The following SRP68 variants were observed in gnomAD, a reference collection of about 807,000 sequenced individuals.
The protein encoded by SRP68 is signal recognition particle 68.
A neutral mutation model predicts 82.2 loss-of-function variants in SRP68; 15 were observed. The ratio of observed to expected loss-of-function variants is 0.18; its 90% CI spans 0.12 to 0.28. The LOEUF (loss-of-function observed/expected upper bound fraction) is 0.28. Among genes scored for constraint, SRP68 ranks in the 10% least tolerant of loss-of-function variants. SRP68 has a pLI of 1.00. For synonymous variants in SRP68, 261 were observed against 292.6 expected (o/e 0.89, Z 1.10); for missense variants, 595 against 780.5 (o/e 0.76, Z 2.83).
chr17:76,055,804 C>T (rs915731593), intron 8 of SRP68, among the ~76,000 whole-genome samples: 16 of 123,270 alleles, frequency 1.3e-4, no homozygotes, highest in Middle Eastern at 4.2e-3. Flanking sequence ...ACTTTTTTTT[C>T]TTCTTTTTTT....
At chr17:76,068,378 C>T (rs893276825) in intron 2 of SRP68, among the ~76,000 whole-genome samples, 7 of 150,798 alleles carry the variant, frequency 4.6e-5, no homozygotes, top group African/African-American at 1.2e-4. Flanking sequence ...ACTGCTTAAA[C>T]CCGGGAGGTG....
At chr17:76,059,871 A>G (rs2066738858) in intron 7 of SRP68, among the ~76,000 whole-genome samples, 2 of 151,654 alleles carry the variant, frequency 1.3e-5, no homozygotes, top group Non-Finnish European at 2.9e-5. Flanking sequence ...CATGCCTGTA[A>G]TCCCAGCACT....
At chr17:76,057,367 A>G in intron 8 of SRP68, 36 bp downstream of exon 8, 3 of 1,613,354 alleles carry the variant, frequency 1.9e-6, no homozygotes, top group South Asian at 1.1e-5. Context: ...CTTCAGACAC[A>G]TACAGAAGAC....
At chr17:76,040,766 C>G in intron 14 of SRP68, 137 bp downstream of exon 14, 2 of 836,178 alleles carry the variant, frequency 2.4e-6, no homozygotes, top group South Asian at 3.2e-5. Flanking sequence ...CCAGCTGGCA[C>G]AAGTAAAGGC....
intron 2 of SRP68, among the ~76,000 whole-genome samples, chr17:76,068,349 C>T (rs934911253): frequency 2.0e-5 from 3 of 149,790 alleles, no homozygotes; most frequent in Non-Finnish European, 4.4e-5. Context: ...TCTAGCTACT[C>T]GGGAGGCTGA....
In SRP68 at chr17:76,050,473, A is replaced by G; in HGVS notation, c.1032T>C (p.Cys344=). 1 of 1,613,906 alleles carries G rather than the reference A, an allele frequency of 6.2e-7. No homozygotes were observed. The highest frequency in any genetic ancestry group is 8.5e-7 in the Non-Finnish European group (1 of 1,179,940). The change falls in exon 9 of 16, where the codon TGT becomes TGC. Residue 344 remains cysteine, a synonymous_variant. Coordinates refer to ENST00000307877, the MANE Select transcript of SRP68 (RefSeq NM_014230.4). The part of the protein sequence containing the change: ...ERLFESMLSE[C]RDAIQVVREE... The stretch of plus-strand genomic sequence containing the variant: ...CCCGAACCACCTGGATGGCGTCCCG[A>G]CACTCGCTGAGCATTGATTCAAACA...
intron 12 of SRP68, among the ~76,000 whole-genome samples, chr17:76,044,274 C>A (rs565924686): frequency 5.1e-4 from 77 of 152,316 alleles, no homozygotes; most frequent in African/African-American, 1.9e-3. Flanking sequence ...AAGAACGCTG[C>A]CCGGCTCAAA....
intron 4 of SRP68, among the ~76,000 whole-genome samples, chr17:76,062,219 A>G (rs1167393712): frequency 6.6e-6 from 1 of 150,950 alleles, no homozygotes; most frequent in Non-Finnish European, 1.5e-5. Flanking sequence ...ACTGGGAGGC[A>G]GAGGTTGCAA....
chr17:76,045,221 G>T, intron 12 of SRP68, 71 bp downstream of exon 12: 1 of 1,199,952 alleles, frequency 8.3e-7, no homozygotes, highest in Non-Finnish European at 1.2e-6. Flanking sequence ...TCTGCTGTGG[G>T]CTGGGTCATG....
intron 1 of SRP68, among the ~76,000 whole-genome samples, chr17:76,070,879 C>CACACACACAAAA: frequency 6.6e-6 from 1 of 150,402 alleles, no homozygotes; most frequent in Admixed American, 6.6e-5. Flanking sequence ...CACACACACA[C>CACACACACAAAA]AAATTTGTGA....
At chr17:76,060,125 CAAA>C (rs1168111688) in intron 7 of SRP68, among the ~76,000 whole-genome samples, 180 bp downstream of exon 7, 3 of 28,790 alleles carry the variant, frequency 1.0e-4, no homozygotes, top group African/African-American at 2.3e-4. Context: ...GACTCCATCT[CAAA>C]AAAAAAAAAA....
Position 76,039,775 on chromosome 17 carries a change from G to A in SRP68, c.1815C>T (p.Asp605=). 2 of 1,614,158 alleles carry A rather than the reference G, an allele frequency of 1.2e-6. No individual in the cohort carries two copies. Among genetic ancestry groups the A allele is most frequent in the Non-Finnish European group, 1.7e-6 (2 of 1,180,036 alleles). ...LNHVAFPPLE[D]KLEQKTKSGL... ...CACTCTTGGTCTTCTGTTCCAACTTGTCCTCAAGGGGTGGGAAAGCCACAT... is the reference window on the plus strand; with the variant it reads ...CACTCTTGGTCTTCTGTTCCAACTTATCCTCAAGGGGTGGGAAAGCCACAT... Residue 605 remains aspartate, a synonymous_variant, in exon 16 of 16, where the codon GAC becomes GAT. Coordinates refer to ENST00000307877, the MANE Select transcript of SRP68 (RefSeq NM_014230.4).
chr17:76,040,763 G>C, intron 14 of SRP68, 140 bp downstream of exon 14: 2 of 806,118 alleles, frequency 2.5e-6, no homozygotes, highest in South Asian at 3.3e-5. Context: ...TGCCCAGCTG[G>C]CACAAGTAAA....
Position 76,063,052 on chromosome 17 carries a change from G to T in SRP68, c.561+924C>A, listed in dbSNP as rs745621611. 1.6e-4 allele frequency among the ~76,000 whole-genome samples: 24 copies of T among 151,562 alleles called. 1 individual carries two copies. Among genetic ancestry groups the T allele is most frequent in the Non-Finnish European group, 5.9e-5 (4 of 67,942 alleles). On this transcript the variant is annotated intron_variant, in intron 4 of 15. Coordinates refer to ENST00000307877, the MANE Select transcript of SRP68 (RefSeq NM_014230.4). Reference sequence around the variant, plus strand: ...CCCAAAGTGCTGGGATTACAGGCGTGAGCCACCACGCCCGGCCTAAGAATA... The same window carrying T: ...CCCAAAGTGCTGGGATTACAGGCGTTAGCCACCACGCCCGGCCTAAGAATA...
Position 76,060,352 on chromosome 17 carries a change from AT to A in SRP68, c.792del (p.Arg264SerfsTer2). 6.2e-7 allele frequency: 1 copy of A among 1,611,992 alleles called. No individual in the cohort carries two copies. The highest frequency in any genetic ancestry group is 8.5e-7 in the Non-Finnish European group (1 of 1,179,622). ...AGACCCTCAGTGCCCCCAGACCTCA[AT>A]CTCATCTGCATGAGTTCATTGATGG... ...QSAINELMQM[R>X]LRSGGTEGLL... On this transcript the variant is annotated frameshift_variant, in exon 7 of 16. Coordinates refer to ENST00000307877, the MANE Select transcript of SRP68 (RefSeq NM_014230.4). LOFTEE classifies it high-confidence loss of function.
intron 8 of SRP68, among the ~76,000 whole-genome samples, chr17:76,053,127 T>C (rs1310128075): frequency 6.6e-6 from 1 of 151,230 alleles, no homozygotes; most frequent in Non-Finnish European, 1.5e-5. Context: ...TAGCCAGGTG[T>C]GGTGGTGCAT....
At chr17:76,040,573 C>A in intron 14 of SRP68, 99 bp from the exon 15 acceptor site, 1 of 1,185,202 alleles carries the variant, frequency 8.4e-7, no homozygotes, top group Non-Finnish European at 1.2e-6. Flanking sequence ...ATCCCAAAAG[C>A]AAAAGGAGCC....
At chr17:76,060,562 G>A (rs1331137956) in intron 6 of SRP68, 172 bp from the exon 7 acceptor site, 3 of 573,556 alleles carry the variant, frequency 5.2e-6, no homozygotes, top group African/African-American at 3.8e-5. Flanking sequence ...ATTGACTGGG[G>A]CAATGAAAAT....
intron 7 of SRP68, among the ~76,000 whole-genome samples, chr17:76,057,822 A>G (rs2066723110): frequency 6.6e-6 from 1 of 152,054 alleles, no homozygotes; most frequent in Non-Finnish European, 1.5e-5. Flanking sequence ...CTACAGGCAC[A>G]TGCCACCATG....
Sources: allele counts gnomAD v4.1 joint callset (sites outside exome capture counted in the v4.1 genomes callset), GRCh38; gene constraint gnomAD v4.1.1; transcripts MANE v1.5; gene names NCBI Gene and HGNC (gene_info 2026-07-23, HGNC 2026-07-21).